The following BPTF variants were observed in gnomAD, a reference collection of about 807,000 sequenced individuals.
BPTF encodes bromodomain PHD finger transcription factor.
Under a neutral mutation model 292.5 loss-of-function variants are expected in BPTF, and 18 were observed. The ratio of observed to expected loss-of-function variants is 0.06; its 90% CI spans 0.04 to 0.09. The LOEUF (loss-of-function observed/expected upper bound fraction) is 0.09. Ranked by LOEUF, BPTF falls within the 10% of genes least tolerant of loss-of-function variation. BPTF has a pLI of 1.00. For missense variants in BPTF, 2,726 were observed against 3,498.7 expected (o/e 0.78, Z 5.57); for synonymous variants, 1,225 against 1,251.9 (o/e 0.98, Z 0.45).
intron 18 of BPTF, among the ~76,000 whole-genome samples, chr17:67,940,097 C>T (rs1218431577): frequency 6.6e-6 from 1 of 151,952 alleles, no homozygotes; most frequent in African/African-American, 2.4e-5. Flanking sequence ...TATTATATTC[C>T]TAAGAAAAGG....
Position 67,946,283 on chromosome 17 carries a change from C to A in BPTF, c.7575C>A (p.His2525Gln). ...KQQQIEIKRE[H>Q]TLQASNQSEI... ...AACAGATAGAAATTAAGCGTGAACA[C>A]ACCCTCCAAGCTTCTAATCAAAGTG... Residue 2525 changes from histidine to glutamine, a missense_variant, in exon 21 of 28, where the codon CAC (histidine) becomes CAA (glutamine). His to Gln is a conservative substitution (Grantham distance 24, BLOSUM62 0). Transcript: ENST00000306378. 4 of 1,614,106 alleles carry A rather than the reference C, an allele frequency of 2.5e-6. No individual in the cohort carries two copies. Among genetic ancestry groups the A allele is most frequent in the South Asian group, 1.1e-5 (1 of 91,084 alleles).
At chr17:67,907,141 A>G (rs1450118947) in intron 9 of BPTF, among the ~76,000 whole-genome samples, 5 of 145,926 alleles carry the variant, frequency 3.4e-5, no homozygotes, top group Non-Finnish European at 7.5e-5. Context: ...GCTGAGATGA[A>G]CCCACTGTGC....
chr17:67,969,173 G>A (rs960977111), intron 26 of BPTF, among the ~76,000 whole-genome samples: 14 of 150,516 alleles, frequency 9.3e-5, no homozygotes, highest in South Asian at 4.2e-4. Flanking sequence ...AAGGCCAGGC[G>A]CAGTGGCTCA....
intron 18 of BPTF, among the ~76,000 whole-genome samples, chr17:67,936,022 A>G (rs1019844198): frequency 1.6e-4 from 24 of 152,214 alleles, no homozygotes; most frequent in African/African-American, 4.3e-4. Flanking sequence ...AAAAGTTGCC[A>G]TAATGTTACC....
At position 67,911,740 on chromosome 17, in the gene BPTF, A is replaced by T; in HGVS notation, c.3856A>T (p.Asn1286Tyr). The T allele has an allele frequency of 6.2e-7, 1 of 1,614,208 alleles. No homozygotes were observed. Among genetic ancestry groups the T allele is most frequent in the Non-Finnish European group, 8.5e-7 (1 of 1,180,032 alleles). Reference sequence around the variant, plus strand: ...AAAACTGGGATGTGACTCTGAATCTAATAGCACTTTGGAAAATAGTTCTGA... The same window carrying T: ...AAAACTGGGATGTGACTCTGAATCTTATAGCACTTTGGAAAATAGTTCTGA... ...EGKLGCDSES[N>Y]STLENSSDTV... The change falls in exon 11 of 28, where the codon AAT (asparagine) becomes TAT (tyrosine). Residue 1286 changes from asparagine to tyrosine, a missense_variant. By Grantham distance (143) the Asn-to-Tyr change is moderately radical. This residue lies in a region of BPTF where 713 missense variants were observed against 714.9 expected (regional missense o/e 1.00). Transcript: ENST00000306378.
At chr17:67,830,142 A>G (rs529913716) in intron 1 of BPTF, among the ~76,000 whole-genome samples, 3 of 152,368 alleles carry the variant, frequency 2.0e-5, no homozygotes, top group South Asian at 4.1e-4. Context: ...AGTGTTTTCA[A>G]TAGGCATTTG....
chr17:67,865,748 G>A (rs2059356683), intron 2 of BPTF, among the ~76,000 whole-genome samples: 2 of 152,132 alleles, frequency 1.3e-5, no homozygotes, highest in African/African-American at 2.4e-5. Context: ...TTTTAAGTTA[G>A]TGACCATCTC....
chr17:67,952,333 C>T (rs1335573511), intron 23 of BPTF, among the ~76,000 whole-genome samples: 4 of 149,176 alleles, frequency 2.7e-5, no homozygotes, highest in African/African-American at 7.4e-5. Context: ...GGGCCATCTC[C>T]GTTCACTGCA....
intron 19 of BPTF, among the ~76,000 whole-genome samples, chr17:67,942,729 C>CT (rs1411512285): frequency 2.6e-5 from 4 of 152,120 alleles, no homozygotes; most frequent in African/African-American, 9.7e-5. Context: ...ACTCAGGTGT[C>CT]TATCAAAATC....
intron 1 of BPTF, among the ~76,000 whole-genome samples, chr17:67,838,968 T>G (rs2057348349): frequency 6.6e-6 from 1 of 152,166 alleles, no homozygotes; most frequent in African/African-American, 2.4e-5. Flanking sequence ...TTCTAATTGT[T>G]TCTTGTAGCT....
In BPTF at chr17:67,883,695, G is replaced by C. The variant is rs567694142; in HGVS notation, c.1865-8149G>C. Among the ~76,000 whole-genome samples the C allele has an allele frequency of 2.6e-5, 4 of 152,156 alleles. No individual in the cohort carries two copies. The East Asian group carries it at 7.8e-4, about 30-fold the overall frequency. On this transcript the variant is annotated intron_variant, in intron 4 of 27. Coordinates refer to ENST00000306378, the MANE Select transcript of BPTF (RefSeq NM_182641.4). ...GCTCACAGCAACCTCCGCCCCCCTG[G>C]GTTCAAGCAGTTCTTCTGCCTCAGC...
At chr17:67,893,188 T>G (rs1033309959) in intron 5 of BPTF, 182 bp from the exon 6 acceptor site, 53 of 600,702 alleles carry the variant, frequency 8.8e-5, no homozygotes, top group African/African-American at 6.3e-4. Flanking sequence ...ATATCTTGGT[T>G]GTTTAATTGT....
At chr17:67,902,276 C>G (rs1001964851) in intron 7 of BPTF, among the ~76,000 whole-genome samples, 17 of 152,166 alleles carry the variant, frequency 1.1e-4, no homozygotes, top group Non-Finnish European at 1.8e-4. Context: ...CATTCCTGGC[C>G]TCTCTCAGTG....
chr17:67,842,817 CA>C (rs60085248), intron 1 of BPTF, among the ~76,000 whole-genome samples: 1,720 of 47,804 alleles, frequency 0.036, 16 homozygotes, highest in African/African-American at 0.1. Flanking sequence ...CAATTAAGGC[CA>C]AAAAAAAAAA....
At chr17:67,938,117 A>G (rs905225686) in intron 18 of BPTF, among the ~76,000 whole-genome samples, 6 of 152,238 alleles carry the variant, frequency 3.9e-5, no homozygotes, top group Admixed American at 3.9e-4. Context: ...CTCGGAGTAC[A>G]GTCAGAAATT....
intron 23 of BPTF, among the ~76,000 whole-genome samples, chr17:67,953,946 T>TTTTTC (rs1568167190): frequency 9.6e-5 from 14 of 146,174 alleles, no homozygotes; most frequent in African/African-American, 2.3e-4. Flanking sequence ...ATCTTTTTTC[T>TTTTTC]TTTTCTTTTC....
intron 7 of BPTF, among the ~76,000 whole-genome samples, chr17:67,897,965 G>A (rs1165672949): frequency 6.6e-6 from 1 of 152,024 alleles, no homozygotes; most frequent in Non-Finnish European, 1.5e-5. Context: ...ATATTGGTAT[G>A]CAGATATATT....
rs782185025 is a variant in BPTF, at chr17:67,948,228, C to T, written c.7848C>T (p.Phe2616=). The change falls in exon 23 of 28, where the codon TTC becomes TTT. Residue 2616 remains phenylalanine, a synonymous_variant. Transcript: ENST00000306378. The part of the protein sequence containing the change: ...QNATKLSALL[F]KHKEQLRAEI... ...CCACTAAGCTGTCAGCTCTGCTCTT[C>T]AAGCACAAAGAGCAGCTCAGAGCCG... is the stretch of plus-strand genomic sequence containing the variant. The T allele has an allele frequency of 1.2e-6, 2 of 1,614,016 alleles. No individual in the cohort carries two copies. Among genetic ancestry groups the T allele is most frequent in the East Asian group, 4.5e-5 (2 of 44,894 alleles).
At chr17:67,952,834 G>A (rs782735641) in intron 23 of BPTF, among the ~76,000 whole-genome samples, 5 of 152,188 alleles carry the variant, frequency 3.3e-5, no homozygotes, top group Admixed American at 6.5e-5. Context: ...TAACAATCCC[G>A]TGTGCCACCT....
Sources: allele counts gnomAD v4.1 joint callset (sites outside exome capture counted in the v4.1 genomes callset), GRCh38; gene constraint gnomAD v4.1.1; regional missense constraint gnomAD v4.1.1; transcripts MANE v1.5; gene names NCBI Gene and HGNC (gene_info 2026-07-23, HGNC 2026-07-21).